The following SEMA3E variants were observed in gnomAD, a reference collection of about 807,000 sequenced individuals.
SEMA3E encodes the protein semaphorin-3E.
Under a neutral mutation model 93.6 loss-of-function variants are expected in SEMA3E, and 49 were observed. The observed-to-expected ratio is 0.52, with a 90% CI of 0.42 to 0.66. The LOEUF (loss-of-function observed/expected upper bound fraction) is 0.66, where lower values mean the gene tolerates loss of function less well. Ranked by LOEUF, SEMA3E falls within the 30% of genes least tolerant of loss-of-function variation. The pLI is 0.00. For missense variants in SEMA3E, 906 were observed against 964.8 expected, an observed-to-expected ratio of 0.94 and a Z score of 0.81; for synonymous variants, 363 against 330.7, an observed-to-expected ratio of 1.10 and a Z score of -1.06.
At chr7:83,442,049 A>G (rs1789125313) in intron 4 of SEMA3E, among the ~76,000 whole-genome samples, 1 of 152,226 alleles carries the variant, frequency 6.6e-6, no homozygotes, top group African/African-American at 2.4e-5. Context: ...CATATTATGG[A>G]GAAAAAATGT....
intron 4 of SEMA3E, among the ~76,000 whole-genome samples, chr7:83,455,008 C>A (rs1584259401): frequency 6.7e-6 from 1 of 149,268 alleles, no homozygotes; most frequent in South Asian, 2.1e-4. Flanking sequence ...ATATGTATAA[C>A]CCTTATGATT....
At position 83,490,144 on chromosome 7, in the gene SEMA3E, G is replaced by A. The variant is rs1417738037; in HGVS notation, c.246C>T (p.Ser82=). 1.1e-5 allele frequency: 18 copies of A among 1,612,594 alleles called. No homozygotes were observed. In the East Asian group the frequency reaches 4.0e-4, roughly 36 times the overall value. ...VGGRDLVYSL[S]LERISDGYKE... is the part of the protein sequence containing the mutation. ...TATAGCCGTCACTGATTCTCTCCAA[G>A]CTGAGGGAATATACAAGGTCCCTGC... The change falls in exon 2 of 17, where the codon AGC becomes AGT. Residue 82 remains serine, a synonymous_variant. Coordinates refer to ENST00000643230, the MANE Select transcript of SEMA3E (RefSeq NM_012431.3).
intron 1 of SEMA3E, among the ~76,000 whole-genome samples, chr7:83,624,662 C>A (rs1249960613): frequency 6.6e-6 from 1 of 152,166 alleles, no homozygotes; most frequent in Non-Finnish European, 1.5e-5. Flanking sequence ...AATTTTCTCC[C>A]ATTATGTAGG....
intron 1 of SEMA3E, among the ~76,000 whole-genome samples, chr7:83,590,105 C>A (rs2115941853): frequency 6.6e-6 from 1 of 152,120 alleles, no homozygotes. Flanking sequence ...AAACAATTTT[C>A]TTTTGTTCTT....
At chr7:83,426,685 TAAAAACATAC>T (rs1012422319) in intron 4 of SEMA3E, among the ~76,000 whole-genome samples, 3 of 152,156 alleles carry the variant, frequency 2.0e-5, no homozygotes, top group African/African-American at 7.2e-5. Flanking sequence ...CTGAAATTAT[TAAAAACATAC>T]AAAAACGTTG....
chr7:83,576,615 C>T (rs1485203191), intron 1 of SEMA3E, among the ~76,000 whole-genome samples: 2 of 151,950 alleles, frequency 1.3e-5, no homozygotes, highest in African/African-American at 4.8e-5. Context: ...CGATCTATCT[C>T]TCTATATATA....
chr7:83,607,561 G>T (rs1305714975), intron 1 of SEMA3E, among the ~76,000 whole-genome samples: 1 of 151,876 alleles, frequency 6.6e-6, no homozygotes, highest in Non-Finnish European at 1.5e-5. Context: ...ATATAAACTG[G>T]GTCATTGGCT....
Position 83,495,938 on chromosome 7 carries a change from T to C in SEMA3E, c.116-5664A>G, listed in dbSNP as rs531234570. On this transcript the variant is annotated intron_variant, in intron 1 of 16. Coordinates refer to ENST00000643230, the MANE Select transcript of SEMA3E (RefSeq NM_012431.3). ...GGGAAGATGTACGAGACGTCTCATT[T>C]TTTATGCAACCAAATTTCCTCCTAT... Among the ~76,000 whole-genome samples the C allele has an allele frequency of 3.1e-3, 470 of 152,088 alleles. 3 individuals are homozygous for C. The highest frequency in any genetic ancestry group is 5.4e-3 in the Non-Finnish European group (368 of 67,882).
intron 4 of SEMA3E, among the ~76,000 whole-genome samples, chr7:83,464,276 C>T (rs552132254): frequency 3.3e-5 from 5 of 151,822 alleles, no homozygotes; most frequent in Admixed American, 1.3e-4. Context: ...GGCCTGTCCT[C>T]GGAATGCTAC....
chr7:83,559,045 T>C (rs1158302107), intron 1 of SEMA3E, among the ~76,000 whole-genome samples: 2 of 152,076 alleles, frequency 1.3e-5, no homozygotes, highest in Non-Finnish European at 2.9e-5. Flanking sequence ...TTTGGTGTTG[T>C]GTTAATTATA....
At chr7:83,646,646 C>A (rs1466019684) in intron 1 of SEMA3E, among the ~76,000 whole-genome samples, 4 of 151,950 alleles carry the variant, frequency 2.6e-5, no homozygotes, top group Non-Finnish European at 5.9e-5. Context: ...ACTCTCACAC[C>A]ATATGACACC....
At chr7:83,463,586 C>G (rs558625193) in intron 4 of SEMA3E, among the ~76,000 whole-genome samples, 146 of 152,234 alleles carry the variant, frequency 9.6e-4, no homozygotes, top group African/African-American at 3.3e-3. Context: ...ACCTGACATT[C>G]ACCCCATTTC....
rs148193440 is a variant in SEMA3E, at chr7:83,575,415, A to C, written c.115+73013T>G. On this transcript the variant is annotated intron_variant, in intron 1 of 16. Transcript: ENST00000643230. Reference sequence around the variant, plus strand: ...AGATGAGGTAATTTTTATCATGTAAATATTATTTAATAGTTTTACTTACAT... The same window carrying C: ...AGATGAGGTAATTTTTATCATGTAACTATTATTTAATAGTTTTACTTACAT... 6.6e-5 allele frequency among the ~76,000 whole-genome samples: 10 copies of C among 152,044 alleles called. No individual in the cohort carries two copies. The East Asian group carries it at 1.7e-3, about 26-fold the overall frequency.
chr7:83,629,428 T>C (rs1217357441), intron 1 of SEMA3E, among the ~76,000 whole-genome samples: 1 of 152,114 alleles, frequency 6.6e-6, no homozygotes, highest in African/African-American at 2.4e-5. Flanking sequence ...CCCAGGGAGA[T>C]GGGAGTTTTA....
At chr7:83,561,603 A>G (rs1037351663) in intron 1 of SEMA3E, among the ~76,000 whole-genome samples, 1 of 152,042 alleles carries the variant, frequency 6.6e-6, no homozygotes, top group African/African-American at 2.4e-5. Context: ...GGAGTGCCCT[A>G]TTACATAATC....
At chr7:83,621,434 A>G (rs1793553722) in intron 1 of SEMA3E, among the ~76,000 whole-genome samples, 1 of 152,228 alleles carries the variant, frequency 6.6e-6, no homozygotes, top group Non-Finnish European at 1.5e-5. Flanking sequence ...AGTAATTTGT[A>G]GTTTCAATGC....
At chr7:83,536,303 T>A (rs372361829) in intron 1 of SEMA3E, among the ~76,000 whole-genome samples, 45 of 152,202 alleles carry the variant, frequency 3.0e-4, no homozygotes, top group African/African-American at 1.0e-3. Context: ...ATGAATTTAG[T>A]TGGCCAGGAG....
intron 1 of SEMA3E, among the ~76,000 whole-genome samples, chr7:83,497,922 T>C (rs1790520226): frequency 6.6e-6 from 1 of 152,136 alleles, no homozygotes; most frequent in Admixed American, 6.5e-5. Context: ...GAAAATAATA[T>C]AATTTATAAT....
At chr7:83,624,077 A>C (rs1793620916) in intron 1 of SEMA3E, among the ~76,000 whole-genome samples, 3 of 152,094 alleles carry the variant, frequency 2.0e-5, no homozygotes, top group Non-Finnish European at 4.4e-5. Flanking sequence ...TGGCTTCATA[A>C]TACTCAGTGG....
Sources: gnomAD v4.1 joint callset for allele counts (sites outside exome capture counted in the v4.1 genomes callset) on GRCh38, gnomAD v4.1.1 for gene constraint, MANE v1.5 for transcripts, NCBI Gene and HGNC (gene_info 2026-07-23, HGNC 2026-07-21) for gene names.